Variants in FARP2 observed in about 807,000 individuals in gnomAD.
FARP2 encodes FERM, ARHGEF and pleckstrin domain-containing protein 2.
Under a neutral mutation model 130.5 loss-of-function variants are expected in FARP2, and 111 were observed. The observed-to-expected ratio is 0.85, with a 90% CI of 0.73 to 1.00. The LOEUF is 1.00. Among genes scored for constraint, FARP2 ranks in the 50% least tolerant of loss-of-function variants. The pLI, the probability that FARP2 is intolerant of heterozygous loss-of-function variation, is 0.00. For missense variants in FARP2, 1,385 were observed against 1,346.3 expected, an observed-to-expected ratio of 1.03 and a Z score of -0.45; for synonymous variants, 504 against 516.9, an observed-to-expected ratio of 0.98 and a Z score of 0.34.
At chr2:241,439,156 C>G (rs576314458) in intron 12 of FARP2, among the ~76,000 whole-genome samples, 1 of 152,086 alleles carries the variant, frequency 6.6e-6, no homozygotes, top group East Asian at 1.9e-4. Context: ...GCTGAGACTA[C>G]AGGTGCATGC....
chr2:241,403,964 C>G (rs1448781591), intron 3 of FARP2, 32 bp downstream of exon 3: 3 of 1,230,458 alleles, frequency 2.4e-6, no homozygotes, highest in African/African-American at 3.0e-5. Context: ...AGGCGTGGAG[C>G]CTTTGGGCCT....
chr2:241,434,669 T>C (rs1424401811), intron 10 of FARP2, among the ~76,000 whole-genome samples: 5 of 152,096 alleles, frequency 3.3e-5, no homozygotes, highest in Admixed American at 6.6e-5. Flanking sequence ...CTGGCCAACA[T>C]GGTGAAACCC....
chr2:241,465,786 C>A lies in FARP2; in HGVS notation c.1893+1806C>A, dbSNP rs1289967228. The A allele has an allele frequency of 1.9e-6, 3 of 1,550,134 alleles. No homozygotes were observed. The African/African-American group carries it at 4.1e-5, about 21-fold the overall frequency. ...AAGCTCCCCCTCCTCCATCCCTCGCCTGTCCCACCTTCTACCCAATCCTGC... is the reference window on the plus strand; with the variant it reads ...AAGCTCCCCCTCCTCCATCCCTCGCATGTCCCACCTTCTACCCAATCCTGC... On this transcript the variant is annotated intron_variant, in intron 17 of 26. Coordinates refer to ENST00000264042, the MANE Select transcript of FARP2 (RefSeq NM_014808.4).
Position 241,431,674 on chromosome 2 carries a change from T to G in FARP2, c.772-5T>G, listed in dbSNP as rs371634192. 56 of 1,521,198 alleles carry G rather than the reference T, an allele frequency of 3.7e-5. No individual in the cohort carries two copies. In the African/African-American group the frequency reaches 7.2e-4, roughly 20 times the overall value. 94.2% of individuals were successfully genotyped at this position (1,521,198 alleles called of 1,614,324 possible). A position where few individuals can be genotyped will look rare whatever the true frequency, so the allele number is the denominator to read the frequency against. On this transcript the variant is annotated splice_polypyrimidine_tract_variant and splice_region_variant and intron_variant, in intron 8 of 26. Transcript: ENST00000264042. ...AATGTAATCTGTCTGTCTCTTGCAT[T>G]TCAGGGCACCACCAAAATCAACACT...
chr2:241,395,754 G>T, intron 2 of FARP2: 1 of 150,972 alleles, frequency 6.6e-6, no homozygotes, highest in Non-Finnish European at 1.5e-5. Flanking sequence ...CCTACTATGT[G>T]GGGGGAAAAA....
At position 241,491,654 on chromosome 2, in the gene FARP2, G is replaced by C; in HGVS notation, c.2762G>C (p.Arg921Thr). Residue 921 changes from arginine (R) to threonine (T), a missense_variant, in exon 24 of 27, where the codon AGG (arginine) becomes ACG (threonine). Arg to Thr is a moderately conservative substitution (Grantham distance 71). Transcript: ENST00000264042. ...TGGTACCGGAACACCAGCGTGTCCA[G>C]GGCAGACCACAGTGCAGCTGTCGAG... is the stretch of plus-strand genomic sequence containing the variant. ...VCWYRNTSVS[R>T]ADHSAAVENQ... 5.6e-6 allele frequency: 9 copies of C among 1,610,698 alleles called. No individual in the cohort carries two copies. Among genetic ancestry groups the C allele is most frequent in the Non-Finnish European group, 7.6e-6 (9 of 1,178,122 alleles).
Position 241,475,812 on chromosome 2 carries a change from C to A in FARP2, c.2132-45C>A. The A allele has an allele frequency of 6.5e-7, 1 of 1,543,880 alleles. No individual in the cohort carries two copies. ...AAGGTGGTGGGTGGAGGGTGCTGTG[C>A]ACACCACTGCCTGTACACCTGTACT... is the stretch of plus-strand genomic sequence containing the variant. On this transcript the variant is annotated intron_variant, in intron 18 of 26. Coordinates refer to ENST00000264042, the MANE Select transcript of FARP2 (RefSeq NM_014808.4). This position sits in a 1 kb window ranked among gnomAD's most constrained non-coding sequence, Gnocchi z 4.4.
intron 10 of FARP2, among the ~76,000 whole-genome samples, chr2:241,434,745 G>C (rs1270565509): frequency 6.6e-6 from 1 of 152,070 alleles, no homozygotes; most frequent in Non-Finnish European, 1.5e-5. Flanking sequence ...CCAGCTACTC[G>C]GGAGGCTGAG....
intron 18 of FARP2, among the ~76,000 whole-genome samples, chr2:241,471,929 ATT>A (rs2064326475): frequency 6.7e-6 from 1 of 150,140 alleles, no homozygotes; most frequent in Non-Finnish European, 1.5e-5. Context: ...TTCTGAGGGG[ATT>A]ATGTTCTGTG....
At chr2:241,472,386 G>A (rs1159592635) in intron 18 of FARP2, among the ~76,000 whole-genome samples, 2 of 151,610 alleles carry the variant, frequency 1.3e-5, no homozygotes, top group African/African-American at 4.8e-5. Flanking sequence ...CATTCTGAGG[G>A]GGATCCTGTT....
chr2:241,387,790 C>CAAAAAAAA, intron 2 of FARP2, among the ~76,000 whole-genome samples: 1 of 93,912 alleles, frequency 1.1e-5, no homozygotes, highest in Non-Finnish European at 2.2e-5. Context: ...GAGACTGTCT[C>CAAAAAAAA]AAAAAAAAAA....
chr2:241,438,996 A>G (rs1244793643), intron 12 of FARP2, among the ~76,000 whole-genome samples: 1 of 151,936 alleles, frequency 6.6e-6, no homozygotes, highest in Admixed American at 6.6e-5. Flanking sequence ...AGGGAAATGT[A>G]TTTTTAATTG....
intron 1 of FARP2, among the ~76,000 whole-genome samples, chr2:241,369,895 G>A (rs922816778): frequency 3.1e-4 from 47 of 152,138 alleles, no homozygotes; most frequent in Admixed American, 3.1e-3. Flanking sequence ...CCTTCAAAGT[G>A]GAAGTCTTCT....
intron 6 of FARP2, among the ~76,000 whole-genome samples, chr2:241,413,102 G>A (rs1010502520): frequency 2.0e-5 from 3 of 152,092 alleles, no homozygotes; most frequent in Non-Finnish European, 4.4e-5. Context: ...TGTTCTTCAA[G>A]AAATCCTCTT....
chr2:241,417,924 G>T, intron 7 of FARP2, 38 bp from the exon 8 acceptor site: 1 of 1,610,454 alleles, frequency 6.2e-7, no homozygotes, highest in Non-Finnish European at 8.5e-7. Context: ...CAGAAATCAA[G>T]TGTTTGTAGT....
At chr2:241,489,855 T>G (rs2064849936) in intron 21 of FARP2, 107 bp from the exon 22 acceptor site, 2 of 730,608 alleles carry the variant, frequency 2.7e-6, no homozygotes, top group African/African-American at 1.7e-5. Context: ...AGCACTGGGC[T>G]TCCAAGCCCC....
intron 17 of FARP2, chr2:241,465,671 C>G (rs2064150475): frequency 1.3e-6 from 2 of 1,550,966 alleles, no homozygotes; most frequent in East Asian, 4.9e-5. Context: ...CCCTCCCTCT[C>G]AGGCTGCTCA....
At chr2:241,416,367 G>A (rs1276252422) in intron 7 of FARP2, among the ~76,000 whole-genome samples, 7 of 152,274 alleles carry the variant, frequency 4.6e-5, no homozygotes, top group East Asian at 3.9e-4. Flanking sequence ...TCTGCTCTAC[G>A]TTGTAGGCCT....
chr2:241,427,130 G>A (rs969553787), intron 8 of FARP2, among the ~76,000 whole-genome samples: 1 of 152,108 alleles, frequency 6.6e-6, no homozygotes, highest in African/African-American at 2.4e-5. Flanking sequence ...AGCTACTCAG[G>A]AGGCTGAGGT....
Sources: gnomAD v4.1 joint callset for allele counts (sites outside exome capture counted in the v4.1 genomes callset) on GRCh38, gnomAD v4.1.1 for gene constraint, Gnocchi (gnomAD v3.1) non-coding constraint, MANE v1.5 for transcripts, NCBI Gene and HGNC (gene_info 2026-07-23, HGNC 2026-07-21) for gene names.